The following TBC1D5 variants were observed in gnomAD, a reference collection of about 807,000 sequenced individuals.
TBC1D5 encodes the protein TBC1 domain family, member 5.
In TBC1D5, 75 loss-of-function variants were observed where a neutral mutation model predicts 100.3. That is an observed-to-expected ratio of 0.75 (90% CI 0.62 to 0.91). The LOEUF (loss-of-function observed/expected upper bound fraction) is 0.91. Ranked by LOEUF, TBC1D5 falls within the 40% of genes least tolerant of loss-of-function variation. The pLI, the probability that TBC1D5 is intolerant of heterozygous loss-of-function variation, is 0.00. For missense variants in TBC1D5, 910 were observed against 942.4 expected (o/e 0.97, Z 0.45); for synonymous variants, 323 against 325.6 (o/e 0.99, Z 0.09).
intron 13 of TBC1D5, among the ~76,000 whole-genome samples, chr3:17,321,604 C>T (rs2085417485): frequency 6.6e-6 from 1 of 152,162 alleles, no homozygotes; most frequent in Non-Finnish European, 1.5e-5. Flanking sequence ...TCTAAGAGCA[C>T]TGTTTTAGTC....
chr3:17,696,638 G>T (rs970385829), intron 1 of TBC1D5, among the ~76,000 whole-genome samples: 1 of 152,140 alleles, frequency 6.6e-6, no homozygotes, highest in Non-Finnish European at 1.5e-5. Flanking sequence ...AAAAAGTCCA[G>T]GACCAGACGG....
chr3:17,654,497 C>A (rs1439255784), intron 1 of TBC1D5, among the ~76,000 whole-genome samples: 1 of 152,100 alleles, frequency 6.6e-6, no homozygotes, highest in Admixed American at 6.5e-5. Flanking sequence ...GCCTTGCAAC[C>A]CAGGGATGAA....
intron 1 of TBC1D5, among the ~76,000 whole-genome samples, chr3:17,643,059 C>A (rs1009530519): frequency 6.6e-6 from 1 of 151,912 alleles, no homozygotes; most frequent in Admixed American, 6.6e-5. Context: ...TTTTTTGATT[C>A]CAGAATCCTA....
At chr3:17,677,029 G>A (rs1403272559) in intron 1 of TBC1D5, among the ~76,000 whole-genome samples, 1 of 152,046 alleles carries the variant, frequency 6.6e-6, no homozygotes, top group African/African-American at 2.4e-5. Context: ...TTAAATGTTA[G>A]ACCTAAATCC....
chr3:17,284,408 C>T (rs574149478), intron 15 of TBC1D5, among the ~76,000 whole-genome samples: 5 of 152,294 alleles, frequency 3.3e-5, no homozygotes, highest in South Asian at 2.1e-4. Flanking sequence ...TGAGCCACCA[C>T]GCCTGGCCAT....
At chr3:17,167,860 A>C in intron 19 of TBC1D5, 32 bp from the exon 21 acceptor site, 1 of 1,497,992 alleles carries the variant, frequency 6.7e-7, no homozygotes, top group Non-Finnish European at 9.2e-7. Flanking sequence ...TTTATAACCA[A>C]TGCTCTGAGC....
At chr3:17,608,665 C>A (rs1208258560) in intron 2 of TBC1D5, among the ~76,000 whole-genome samples, 1 of 152,178 alleles carries the variant, frequency 6.6e-6, no homozygotes, top group Non-Finnish European at 1.5e-5. Flanking sequence ...AATAACATTT[C>A]TTTCTCCCTT....
Position 17,401,284 on chromosome 3 carries a change from TATATATGTATGTGTATAATAC to T in TBC1D5, c.509+1876_509+1896del, listed in dbSNP as rs2093637188. On this transcript the variant is annotated intron_variant, in intron 8 of 21. Transcript: ENST00000253692. ...TATATATGTATGTGTATAATACACA[TATATATGTATGTGTATAATAC>T]ACATATATATGTATGTGTATAATAT... is the stretch of plus-strand genomic sequence containing the variant. Among the ~76,000 whole-genome samples, 8 of 144,302 alleles carry T rather than the reference TATATATGTATGTGTATAATAC, an allele frequency of 5.5e-5. 2 individuals carry two copies. Among genetic ancestry groups the T allele is most frequent in the African/African-American group, 7.9e-5 (3 of 37,990 alleles). The allele number at this position is 144,302 out of a possible 152,430, so 94.7% of individuals were successfully genotyped here. A position where few individuals can be genotyped will look rare whatever the true frequency, so the allele number is the denominator to read the frequency against.
chr3:17,622,949 T>C (rs1354095594), intron 2 of TBC1D5, among the ~76,000 whole-genome samples: 3 of 152,222 alleles, frequency 2.0e-5, no homozygotes, highest in Non-Finnish European at 2.9e-5. Context: ...CTGATTCAAA[T>C]TGCAATTGCT....
chr3:17,519,236 A>G (rs1560072552), intron 2 of TBC1D5, among the ~76,000 whole-genome samples: 2 of 152,246 alleles, frequency 1.3e-5, no homozygotes, highest in African/African-American at 4.8e-5. Flanking sequence ...CACATGGCTT[A>G]TAGACCTTCT....
At chr3:17,356,887 A>G (rs2091261003) in intron 13 of TBC1D5, among the ~76,000 whole-genome samples, 1 of 152,132 alleles carries the variant, frequency 6.6e-6, no homozygotes. Context: ...AAAATGACCT[A>G]TGACTATAGA....
intron 2 of TBC1D5, among the ~76,000 whole-genome samples, chr3:17,577,137 C>T (rs937462810): frequency 8.6e-5 from 13 of 151,910 alleles, no homozygotes; most frequent in African/African-American, 2.9e-4. Context: ...AGGGGAACTA[C>T]ACCTACAGTA....
chr3:17,335,373 T>C (rs73817264), intron 13 of TBC1D5, among the ~76,000 whole-genome samples: 7 of 152,262 alleles, frequency 4.6e-5, no homozygotes, highest in African/African-American at 1.7e-4. Flanking sequence ...ACTTCCATAA[T>C]GCTGGGAGCT....
chr3:17,308,091 C>T (rs753362206), exon 14 of TBC1D5: 4 of 1,607,098 alleles, frequency 2.5e-6, no homozygotes, highest in East Asian at 2.3e-5. Flanking sequence ...ACCAGAAGGT[C>T]CTGCAGGGGG....
chr3:17,609,605 G>A (rs2061541556), intron 2 of TBC1D5, among the ~76,000 whole-genome samples: 1 of 152,024 alleles, frequency 6.6e-6, no homozygotes, highest in South Asian at 2.1e-4. Context: ...CTTTTTTGGG[G>A]GTTTGGGGAA....
rs1163064800 is a variant in TBC1D5, at chr3:17,475,907, C to T, written c.97+32567G>A. ...GTAACAGAGCTCACGTTTCTTCACA[C>T]GGTGGCAAACTCACATTAATTGATT... On this transcript the variant is annotated intron_variant, in intron 3 of 21. Coordinates refer to ENST00000253692, the Ensembl canonical transcript of TBC1D5. Among the ~76,000 whole-genome samples the T allele has an allele frequency of 3.9e-5, 6 of 152,066 alleles. No homozygotes were observed. In the South Asian group the frequency reaches 8.3e-4, roughly 21 times the overall value.
intron 2 of TBC1D5, among the ~76,000 whole-genome samples, chr3:17,539,840 C>G (rs1463765291): frequency 1.3e-5 from 2 of 152,138 alleles, no homozygotes; most frequent in Non-Finnish European, 2.9e-5. Flanking sequence ...TGTTTTCAAC[C>G]ATTTTGGGGA....
At chr3:17,476,439 A>G (rs1347842054) in intron 3 of TBC1D5, among the ~76,000 whole-genome samples, 1 of 151,918 alleles carries the variant, frequency 6.6e-6, no homozygotes, top group African/African-American at 2.4e-5. Context: ...TCTGTCATGT[A>G]TTTGGTTTTC....
At chr3:17,352,694 A>AAAAAAAC (rs1553700559) in intron 13 of TBC1D5, among the ~76,000 whole-genome samples, 12 of 150,692 alleles carry the variant, frequency 8.0e-5, no homozygotes, top group Admixed American at 1.3e-4. Flanking sequence ...AAAAAAAAAA[A>AAAAAAAC]AAAAACAAAA....
Sources: allele counts gnomAD v4.1 joint callset (sites outside exome capture counted in the v4.1 genomes callset), GRCh38; gene constraint gnomAD v4.1.1; transcripts MANE v1.5; gene names NCBI Gene and HGNC (gene_info 2026-07-23, HGNC 2026-07-21).